HNF1B: variants seen among roughly 807,000 people sequenced by gnomAD.
HNF1B encodes hepatocyte nuclear factor 1-beta.
In HNF1B, 8 loss-of-function variants were observed where a neutral mutation model predicts 61.7. That is an observed-to-expected ratio of 0.13 (90% CI 0.08 to 0.23). The LOEUF is 0.23. Ranked by LOEUF, HNF1B falls within the 10% of genes least tolerant of loss-of-function variation. The pLI is 1.00. For synonymous variants in HNF1B, 314 were observed against 287.7 expected, an observed-to-expected ratio of 1.09 and a Z score of -0.93; for missense variants, 562 against 714.5, an observed-to-expected ratio of 0.79 and a Z score of 2.43.
At chr17:37,711,011 T>C (rs1200401763) in intron 4 of HNF1B, among the ~76,000 whole-genome samples, 1 of 152,260 alleles carries the variant, frequency 6.6e-6, no homozygotes, top group African/African-American at 2.4e-5. Flanking sequence ...CACAGTTCTT[T>C]GAGGATTTGG....
chr17:37,734,205 G>T (rs1415121488), intron 2 of HNF1B, among the ~76,000 whole-genome samples: 1 of 152,204 alleles, frequency 6.6e-6, no homozygotes, highest in Admixed American at 6.5e-5. Flanking sequence ...GGGGAGAACT[G>T]CTCAAAGGTA....
At chr17:37,719,173 C>T (rs1263273374) in intron 4 of HNF1B, among the ~76,000 whole-genome samples, 2 of 151,762 alleles carry the variant, frequency 1.3e-5, no homozygotes, top group Admixed American at 6.6e-5. Flanking sequence ...CTATGTTGCC[C>T]AGGGTAGTCT....
At chr17:37,737,043 G>C (rs908077346) in intron 2 of HNF1B, among the ~76,000 whole-genome samples, 22 of 152,194 alleles carry the variant, frequency 1.4e-4, no homozygotes, top group Non-Finnish European at 2.6e-4. Flanking sequence ...GCTTGGACAA[G>C]GAGGTTCTGT....
chr17:37,697,279 ATCC>A (rs755261562), intron 8 of HNF1B, among the ~76,000 whole-genome samples: 19 of 152,334 alleles, frequency 1.2e-4, no homozygotes, highest in Middle Eastern at 3.4e-3. Context: ...TGTAATAATC[ATCC>A]TCATCATCGC....
At chr17:37,741,855 G>T (rs74507681) in intron 1 of HNF1B, among the ~76,000 whole-genome samples, 1 of 152,160 alleles carries the variant, frequency 6.6e-6, no homozygotes, top group Non-Finnish European at 1.5e-5. Context: ...AAGCCCCCAA[G>T]AACCTTATAA....
chr17:37,693,953 C>T (rs2032291477), intron 8 of HNF1B, among the ~76,000 whole-genome samples: 3 of 152,232 alleles, frequency 2.0e-5, no homozygotes, highest in Non-Finnish European at 4.4e-5. Flanking sequence ...TTACCTTCTG[C>T]CCTGACTGTA....
chr17:37,715,087 CAT>C (rs1362034982), intron 4 of HNF1B, among the ~76,000 whole-genome samples: 4 of 152,168 alleles, frequency 2.6e-5, no homozygotes, highest in South Asian at 4.1e-4. Flanking sequence ...TCTCGTGTCA[CAT>C]GTCGCCCCCC....
At chr17:37,722,385 G>A (rs1298729769) in intron 4 of HNF1B, among the ~76,000 whole-genome samples, 1 of 152,194 alleles carries the variant, frequency 6.6e-6, no homozygotes. Context: ...TAAGGGGATA[G>A]GTATTGGGAC....
intron 3 of HNF1B, among the ~76,000 whole-genome samples, chr17:37,733,184 C>A (rs1045948520): frequency 6.6e-6 from 1 of 152,100 alleles, no homozygotes; most frequent in African/African-American, 2.4e-5. Flanking sequence ...TTTCGCTTCC[C>A]AAGTATCATA....
chr17:37,712,151 T>C lies in HNF1B; in HGVS notation c.1046-1488A>G, dbSNP rs756860123. ...CCTTCAAGAGCAACTTGTCTGAGTA[T>C]GTAGTGGCTTGACGCTTGCTCTATG... On this transcript the variant is annotated intron_variant, in intron 4 of 8. Transcript: ENST00000617811. 6.6e-5 allele frequency among the ~76,000 whole-genome samples: 10 copies of C among 152,230 alleles called. 1 individual carries two copies. The highest frequency in any genetic ancestry group is 3.2e-3 in the Middle Eastern group (1 of 316).
At chr17:37,701,228 G>A (rs1234535073) in intron 6 of HNF1B, 51 bp from the exon 7 acceptor site, 2 of 1,511,802 alleles carry the variant, frequency 1.3e-6, no homozygotes, top group East Asian at 2.5e-5. Context: ...ATAAGGAGAG[G>A]TGGATGGATG....
chr17:37,743,137 G>C (rs1420187013), intron 1 of HNF1B, among the ~76,000 whole-genome samples: 1 of 152,220 alleles, frequency 6.6e-6, no homozygotes, highest in Non-Finnish European at 1.5e-5. Context: ...CGCCGCGCTA[G>C]AAAGCGGGCG....
At chr17:37,708,794 C>A (rs953366686) in intron 5 of HNF1B, among the ~76,000 whole-genome samples, 2 of 152,120 alleles carry the variant, frequency 1.3e-5, no homozygotes, top group African/African-American at 4.8e-5. Context: ...CCCAGGAATG[C>A]CCTTTCATTT....
chr17:37,733,142 T>C (rs1304049949), intron 3 of HNF1B, among the ~76,000 whole-genome samples: 1 of 152,214 alleles, frequency 6.6e-6, no homozygotes, highest in East Asian at 1.9e-4. Flanking sequence ...GGGAAAGTTT[T>C]ACCCTGGCCT....
intron 1 of HNF1B, among the ~76,000 whole-genome samples, chr17:37,740,526 G>A (rs2033963287): frequency 6.6e-6 from 1 of 152,142 alleles, no homozygotes; most frequent in East Asian, 1.9e-4. Flanking sequence ...CAAGGAGGAT[G>A]TCTTAGCCAA....
chr17:37,732,792 G>T (rs989314914), intron 3 of HNF1B, among the ~76,000 whole-genome samples: 3 of 152,136 alleles, frequency 2.0e-5, no homozygotes, highest in Non-Finnish European at 4.4e-5. Flanking sequence ...AACATAGCAA[G>T]ACCACATTTT....
At chr17:37,696,712 C>T (rs892390254) in intron 8 of HNF1B, among the ~76,000 whole-genome samples, 42 of 152,296 alleles carry the variant, frequency 2.8e-4, no homozygotes, top group African/African-American at 8.2e-4. Flanking sequence ...TCTGAACACG[C>T]CAGAAATGAA....
chr17:37,743,516 A>G (rs1402742669), intron 1 of HNF1B, among the ~76,000 whole-genome samples: 3 of 152,232 alleles, frequency 2.0e-5, no homozygotes, highest in Non-Finnish European at 4.4e-5. Context: ...ATGCAAGGTC[A>G]TATCCCACCC....
At chr17:37,739,970 A>G (rs181964343) in intron 1 of HNF1B, among the ~76,000 whole-genome samples, 39 of 150,236 alleles carry the variant, frequency 2.6e-4, no homozygotes, top group Non-Finnish European at 5.0e-4. Flanking sequence ...TAATTTATTT[A>G]TTATTATTTT....
Sources: allele counts gnomAD v4.1 joint callset (sites outside exome capture counted in the v4.1 genomes callset), GRCh38; gene constraint gnomAD v4.1.1; transcripts MANE v1.5; gene names NCBI Gene and HGNC (gene_info 2026-07-23, HGNC 2026-07-21).